The following TECRL variants were observed in gnomAD, a reference collection of about 807,000 sequenced individuals.
The protein encoded by TECRL is trans-2,3-enoyl-CoA reductase-like.
Under a neutral mutation model 52.8 loss-of-function variants are expected in TECRL, and 63 were observed. That is an observed-to-expected ratio of 1.19 (90% CI 0.97 to 1.47). The LOEUF is 1.47. TECRL is among the 40% of genes most tolerant of loss of function. TECRL has a pLI of 0.00. For synonymous variants in TECRL, 164 were observed against 141.9 expected (o/e 1.16, Z -1.10); for missense variants, 482 against 429.6 (o/e 1.12, Z -1.08).
At chr4:64,304,879 T>C (rs573260426) in intron 7 of TECRL, 2 of 211,440 alleles carry the variant, frequency 9.5e-6, no homozygotes, top group Non-Finnish European at 1.9e-5. Context: ...TGTATAATTA[T>C]ACAATAATTT....
At chr4:64,379,904 A>G (rs138871605) in intron 1 of TECRL, among the ~76,000 whole-genome samples, 1,873 of 152,190 alleles carry the variant, frequency 0.012, 44 homozygotes, top group African/African-American at 0.042. Flanking sequence ...TTTGTTTTCC[A>G]TTGGATAAAT....
At chr4:64,346,641 C>CCTT in intron 2 of TECRL, among the ~76,000 whole-genome samples, 1 of 152,218 alleles carries the variant, frequency 6.6e-6, no homozygotes, top group East Asian at 1.9e-4. Flanking sequence ...ATCAGGGGGC[C>CCTT]CCTGGGCCAG....
intron 2 of TECRL, among the ~76,000 whole-genome samples, chr4:64,350,140 G>A (rs550469949): frequency 6.6e-6 from 1 of 152,244 alleles, no homozygotes; most frequent in East Asian, 1.9e-4. Flanking sequence ...CCACAAAACT[G>A]TACCTTAATG....
chr4:64,372,946 T>G (rs1722086104), intron 2 of TECRL, among the ~76,000 whole-genome samples: 1 of 151,516 alleles, frequency 6.6e-6, no homozygotes, highest in African/African-American at 2.4e-5. Context: ...TTATCTAGTT[T>G]TAAAATATGC....
chr4:64,354,310 G>A (rs1409741120), intron 2 of TECRL, among the ~76,000 whole-genome samples: 1 of 152,120 alleles, frequency 6.6e-6, no homozygotes, highest in Non-Finnish European at 1.5e-5. Flanking sequence ...GGAAATCATA[G>A]CACAAATAGA....
chr4:64,404,975 A>G (rs1401651940), intron 1 of TECRL, among the ~76,000 whole-genome samples: 1 of 152,094 alleles, frequency 6.6e-6, no homozygotes, highest in African/African-American at 2.4e-5. Context: ...TTTGTGTTAA[A>G]CATTGCTATT....
intron 9 of TECRL, among the ~76,000 whole-genome samples, chr4:64,287,700 A>G (rs1037573344): frequency 6.6e-5 from 10 of 152,312 alleles, no homozygotes; most frequent in African/African-American, 2.4e-4. Flanking sequence ...TATTAAATAA[A>G]TGTGGTTATG....
chr4:64,332,334 T>A (rs1214538029), intron 2 of TECRL, among the ~76,000 whole-genome samples: 1 of 152,204 alleles, frequency 6.6e-6, no homozygotes, highest in Non-Finnish European at 1.5e-5. Flanking sequence ...AGCTCAATTT[T>A]GAGTCATCTC....
At chr4:64,314,105 A>T (rs1264634257) in intron 5 of TECRL, among the ~76,000 whole-genome samples, 3 of 151,418 alleles carry the variant, frequency 2.0e-5, no homozygotes, top group African/African-American at 7.3e-5. Flanking sequence ...AGCCGAGATC[A>T]GGCCACTGCA....
intron 2 of TECRL, among the ~76,000 whole-genome samples, chr4:64,359,021 C>A (rs1449641466): frequency 3.3e-5 from 5 of 151,550 alleles, no homozygotes; most frequent in African/African-American, 9.7e-5. Context: ...ATTTTAAAAG[C>A]TCATGTATTT....
At chr4:64,360,953 G>T (rs1454018955) in intron 2 of TECRL, among the ~76,000 whole-genome samples, 1 of 152,142 alleles carries the variant, frequency 6.6e-6, no homozygotes, top group Non-Finnish European at 1.5e-5. Context: ...CACAGCCATG[G>T]TCACCCAACC....
chr4:64,345,926 A>AAAAAAC, intron 2 of TECRL, among the ~76,000 whole-genome samples: 1 of 146,326 alleles, frequency 6.8e-6, no homozygotes, highest in Non-Finnish European at 1.5e-5. Context: ...AAAAAAAAAA[A>AAAAAAC]AAAAACATTT....
intron 2 of TECRL, among the ~76,000 whole-genome samples, chr4:64,366,286 G>A (rs1721593698): frequency 6.6e-6 from 1 of 152,040 alleles, no homozygotes; most frequent in Non-Finnish European, 1.5e-5. Flanking sequence ...AGACTGAAAT[G>A]TAAAACCCAG....
At chr4:64,371,322 T>C (rs1359976157) in intron 2 of TECRL, among the ~76,000 whole-genome samples, 2 of 150,966 alleles carry the variant, frequency 1.3e-5, no homozygotes, top group Non-Finnish European at 3.0e-5. Flanking sequence ...TATAACTAAA[T>C]TGTAAAACAA....
At chr4:64,359,684 A>G (rs542002663) in intron 2 of TECRL, among the ~76,000 whole-genome samples, 1 of 152,194 alleles carries the variant, frequency 6.6e-6, no homozygotes, top group African/African-American at 2.4e-5. Context: ...ATGATTAGCT[A>G]TGACAGTTTT....
At chr4:64,305,268 T>C (rs1473986913) in intron 6 of TECRL, 30 bp from the exon 7 acceptor site, 2 of 1,585,084 alleles carry the variant, frequency 1.3e-6, no homozygotes, top group South Asian at 1.1e-5. Flanking sequence ...AAATAAAAGT[T>C]AGGAAAAATA....
intron 2 of TECRL, among the ~76,000 whole-genome samples, chr4:64,338,025 C>G (rs1283180560): frequency 6.6e-6 from 1 of 152,170 alleles, no homozygotes; most frequent in Non-Finnish European, 1.5e-5. Flanking sequence ...TACCTGACTT[C>G]AAACAATACT....
chr4:64,348,532 G>A (rs779188571), intron 2 of TECRL, among the ~76,000 whole-genome samples: 1 of 152,068 alleles, frequency 6.6e-6, no homozygotes, highest in Non-Finnish European at 1.5e-5. Context: ...ATCCTACCTC[G>A]GTTCCACATC....
At chr4:64,329,497 C>A (rs1007086637) in intron 2 of TECRL, among the ~76,000 whole-genome samples, 7 of 151,412 alleles carry the variant, frequency 4.6e-5, no homozygotes, top group African/African-American at 1.7e-4. Flanking sequence ...AGAGGAAGTT[C>A]GGATGAAAAA....
Sources: gnomAD v4.1 joint callset for allele counts (sites outside exome capture counted in the v4.1 genomes callset) on GRCh38, gnomAD v4.1.1 for gene constraint, MANE v1.5 for transcripts, NCBI Gene and HGNC (gene_info 2026-07-23, HGNC 2026-07-21) for gene names.